The following ANKH variants were observed in gnomAD, a reference collection of about 807,000 sequenced individuals.
ANKH encodes the protein mineralization regulator ANKH.
A neutral mutation model predicts 49.0 loss-of-function variants in ANKH; 15 were observed. The observed-to-expected ratio is 0.31, with a 90% CI of 0.20 to 0.47. ANKH has a LOEUF of 0.47. ANKH is among the 20% of genes least tolerant of loss of function. The probability of loss-of-function intolerance (pLI) is 1.00; values close to 1 mark genes in which losing one functional copy is unlikely to be tolerated. For missense variants in ANKH, 429 were observed against 652.0 expected, an observed-to-expected ratio of 0.66 and a Z score of 3.72; for synonymous variants, 273 against 260.0, an observed-to-expected ratio of 1.05 and a Z score of -0.48.
chr5:14,731,824 C>T (rs184550165), intron 8 of ANKH, among the ~76,000 whole-genome samples: 72 of 152,360 alleles, frequency 4.7e-4, no homozygotes, highest in African/African-American at 1.6e-3. Flanking sequence ...GATGGGCTGA[C>T]GTGTTCTGCT....
intron 1 of ANKH, among the ~76,000 whole-genome samples, chr5:14,786,724 G>T (rs890107246): frequency 2.0e-5 from 3 of 152,250 alleles, no homozygotes; most frequent in Admixed American, 6.5e-5. Flanking sequence ...ATTGGTGGGT[G>T]TGTAAGCTGC....
chr5:14,710,916 G>GAGGCAGCTGTGTCTTTT lies in ANKH; in HGVS notation c.*264_*280dup. 1 of 425,968 alleles carries GAGGCAGCTGTGTCTTTT rather than the reference G, an allele frequency of 2.3e-6. No individual in the cohort carries two copies. Among genetic ancestry groups the GAGGCAGCTGTGTCTTTT allele is most frequent in the East Asian group, 5.4e-5 (1 of 18,648 alleles). 26.4% of individuals were successfully genotyped at this position (425,968 alleles called of 1,614,324 possible). ...GGGAGGAGGACACAACGTCAACCGT[G>GAGGCAGCTGTGTCTTTT]AGGCAGCTGTGTCTTTTGGGTTTTC... is the stretch of plus-strand genomic sequence containing the variant. On this transcript the variant is annotated 3_prime_UTR_variant, in exon 12 of 12. Coordinates refer to ENST00000284268, the MANE Select transcript of ANKH (RefSeq NM_054027.6).
chr5:14,805,394 A>T (rs1740674335), intron 1 of ANKH, among the ~76,000 whole-genome samples: 1 of 81,892 alleles, frequency 1.2e-5, no homozygotes, highest in Non-Finnish European at 2.3e-5. Flanking sequence ...ATGTGTATAT[A>T]TACGTGTGTG....
At chr5:14,778,922 C>T (rs181553545) in intron 1 of ANKH, among the ~76,000 whole-genome samples, 2 of 152,312 alleles carry the variant, frequency 1.3e-5, no homozygotes, top group Admixed American at 1.3e-4. Context: ...ATGCTGTCAG[C>T]TGCCCAGTTA....
chr5:14,764,097 A>AAATAAATAAAT (rs1561044514), intron 2 of ANKH, among the ~76,000 whole-genome samples: 18 of 78,076 alleles, frequency 2.3e-4, no homozygotes, highest in African/African-American at 7.4e-4. Context: ...AATAAATAAA[A>AAATAAATAAAT]ATAAAAAAAG....
chr5:14,748,670 G>A (rs1162701471), intron 6 of ANKH, among the ~76,000 whole-genome samples: 1 of 152,246 alleles, frequency 6.6e-6, no homozygotes, highest in African/African-American at 2.4e-5. Flanking sequence ...GGGTCAGGTG[G>A]CACATGCAGG....
At position 14,790,647 on chromosome 5, in the gene ANKH, GC is replaced by G. The variant is rs555598697; in HGVS notation, c.97-21457del. The stretch of plus-strand genomic sequence containing the variant: ...ATTCATCCCTGAGTCTCACTCTGTC[GC>G]CCAGGCTGGGGAGCAGTGGTGCGAT... On this transcript the variant is annotated intron_variant, in intron 1 of 11. Transcript: ENST00000284268. 9.7e-4 allele frequency among the ~76,000 whole-genome samples: 148 copies of G among 152,208 alleles called. 1 individual carries two copies. The highest frequency in any genetic ancestry group is 3.5e-3 in the African/African-American group (144 of 41,522).
intron 1 of ANKH, among the ~76,000 whole-genome samples, chr5:14,800,202 A>G (rs924092633): frequency 3.9e-5 from 6 of 152,234 alleles, no homozygotes; most frequent in Non-Finnish European, 7.3e-5. Context: ...TCAAACTTCA[A>G]TAGATGAGGA....
intron 11 of ANKH, 50 bp downstream of exon 11, chr5:14,712,824 G>GCA (rs761313815): frequency 1.1e-5 from 17 of 1,533,858 alleles, no homozygotes; most frequent in Non-Finnish European, 1.4e-5. Context: ...AGGTTCTCCT[G>GCA]CACCCAGGAG....
intron 1 of ANKH, among the ~76,000 whole-genome samples, chr5:14,866,974 T>G (rs1735663277): frequency 6.6e-6 from 1 of 151,774 alleles, no homozygotes. Context: ...CTGGGCAACA[T>G]GGTGAAACCC....
chr5:14,708,539 C>T lies in ANKH; in HGVS notation c.*2658G>A, dbSNP rs1289608073. On this transcript the variant is annotated 3_prime_UTR_variant, in exon 12 of 12. Transcript: ENST00000284268. The stretch of plus-strand genomic sequence containing the variant: ...AAGTGGGAAGGAGAAAGGTCACCCT[C>T]CCTGGTTTGATCTCTCATGTCTAGC... The T allele has an allele frequency of 6.6e-6, 1 of 152,222 alleles. No individual in the cohort carries two copies. The allele number at this position is 152,222 out of a possible 1,614,324, so 9.4% of individuals were successfully genotyped here.
rs1462347814 is a variant in ANKH at position 14,710,422 on chromosome 5, G to A, written c.*775C>T. On this transcript the variant is annotated 3_prime_UTR_variant, in exon 12 of 12. Transcript: ENST00000284268. Reference sequence around the variant, plus strand: ...TGCGCTTTTGTGACAATTTAAAAAAGTTAGCTCATGTATATACACGGTGGG... The same window carrying A: ...TGCGCTTTTGTGACAATTTAAAAAAATTAGCTCATGTATATACACGGTGGG... 1.3e-5 allele frequency: 2 copies of A among 152,310 alleles called. No individual in the cohort carries two copies. Among genetic ancestry groups the A allele is most frequent in the African/African-American group, 4.8e-5 (2 of 41,546 alleles). 9.4% of individuals were successfully genotyped at this position (152,310 alleles called of 1,614,324 possible). A position where few individuals can be genotyped will look rare whatever the true frequency, so the allele number is the denominator to read the frequency against.
chr5:14,738,563 G>T (rs569279876), intron 8 of ANKH, among the ~76,000 whole-genome samples: 1 of 152,270 alleles, frequency 6.6e-6, no homozygotes, highest in South Asian at 2.1e-4. Flanking sequence ...AACACCAAGT[G>T]TGCTGCTCTC....
At chr5:14,867,684 C>T (rs1038404377) in intron 1 of ANKH, among the ~76,000 whole-genome samples, 131 of 152,114 alleles carry the variant, frequency 8.6e-4, no homozygotes, top group Non-Finnish European at 6.3e-4. Context: ...CTCAGCCTCC[C>T]GAGTAGCTGG....
intron 2 of ANKH, among the ~76,000 whole-genome samples, chr5:14,763,699 T>G (rs1208073648): frequency 6.6e-6 from 1 of 152,248 alleles, no homozygotes; most frequent in Admixed American, 6.5e-5. Flanking sequence ...GGAGATCTGC[T>G]TCTTTCTAGA....
intron 1 of ANKH, among the ~76,000 whole-genome samples, chr5:14,813,858 C>T (rs1740956224): frequency 6.6e-6 from 1 of 152,178 alleles, no homozygotes; most frequent in African/African-American, 2.4e-5. Flanking sequence ...AAACTCATGC[C>T]ACAGATGATC....
chr5:14,867,298 T>TG (rs1735675824), intron 1 of ANKH, among the ~76,000 whole-genome samples: 1 of 152,190 alleles, frequency 6.6e-6, no homozygotes, highest in African/African-American at 2.4e-5. Flanking sequence ...CTCTGCCATT[T>TG]ACTACCCGTG....
rs189027035 is a variant in ANKH at position 14,737,137 on chromosome 5, A to G, written c.1011+4690T>C. Among the ~76,000 whole-genome samples, 414 of 152,304 alleles carry G rather than the reference A, an allele frequency of 2.7e-3. 3 individuals are homozygous for G. Among genetic ancestry groups the G allele is most frequent in the African/African-American group, 9.1e-3 (377 of 41,568 alleles). On this transcript the variant is annotated intron_variant, in intron 8 of 11. Coordinates refer to ENST00000284268, the MANE Select transcript of ANKH (RefSeq NM_054027.6). The surrounding 1 kb of genome is among the most constrained non-coding windows in gnomAD (Gnocchi z 5.0). The stretch of plus-strand genomic sequence containing the variant: ...AGTCATGTTTTGGGTAAATTGGCAA[A>G]TTTGGTAAACTTAGCAGCCCGATGG...
intron 1 of ANKH, among the ~76,000 whole-genome samples, chr5:14,780,144 G>T (rs1739763053): frequency 6.6e-6 from 1 of 151,916 alleles, no homozygotes. Flanking sequence ...ACGGTGCCTG[G>T]ATGGGCGACA....
Sources: allele counts gnomAD v4.1 joint callset (sites outside exome capture counted in the v4.1 genomes callset), GRCh38; gene constraint gnomAD v4.1.1; non-coding constraint Gnocchi (gnomAD v3.1); transcripts MANE v1.5; gene names NCBI Gene and HGNC (gene_info 2026-07-23, HGNC 2026-07-21).